The following OPCML variants were observed in gnomAD, a reference collection of about 807,000 sequenced individuals.
The protein encoded by OPCML is opioid-binding protein/cell adhesion molecule.
OPCML carries 13 observed loss-of-function variants against 37.8 expected under a neutral mutation model. The ratio of observed to expected loss-of-function variants is 0.34; its 90% CI spans 0.22 to 0.55. The LOEUF is 0.55. Ranked by LOEUF, OPCML falls within the 20% of genes least tolerant of loss-of-function variation. OPCML has a pLI of 0.91. For missense variants in OPCML, 341 were observed against 435.6 expected (o/e 0.78, Z 1.93); for synonymous variants, 176 against 168.8 (o/e 1.04, Z -0.33).
At position 133,211,575 on chromosome 11, in the gene OPCML, C is replaced by A. The variant is rs961503691; in HGVS notation, c.62-268565G>T. Among the ~76,000 whole-genome samples, 2 of 152,324 alleles carry A rather than the reference C, an allele frequency of 1.3e-5. No individual in the cohort carries two copies. The highest frequency in any genetic ancestry group is 3.4e-3 in the Middle Eastern group (1 of 294). On this transcript the variant is annotated intron_variant, in intron 1 of 7. Transcript: ENST00000524381. This position sits in a 1 kb window ranked among gnomAD's most constrained non-coding sequence, Gnocchi z 4.1. ...CGAAGGTTCTGTAACTATGCTTTGG[C>A]ATCAACAGTGGAACATGGTTTCCTA...
Position 133,173,838 on chromosome 11 carries a change from G to A in OPCML, c.62-230828C>T, listed in dbSNP as rs1592072532. Reference sequence around the variant, plus strand: ...CAGAGCCTAAAGATGCAGGCCTTGAGTTTATGAGGCAAATAATGAAGTTGA... The same window carrying A: ...CAGAGCCTAAAGATGCAGGCCTTGAATTTATGAGGCAAATAATGAAGTTGA... On this transcript the variant is annotated intron_variant, in intron 1 of 7. Transcript: ENST00000524381. This position sits in a 1 kb window ranked among gnomAD's most constrained non-coding sequence, Gnocchi z 7.8. Among the ~76,000 whole-genome samples the A allele has an allele frequency of 3.9e-5, 6 of 152,236 alleles. No individual in the cohort carries two copies. In the South Asian group the frequency reaches 1.2e-3, roughly 32 times the overall value.
chr11:133,317,024 C>G (rs1943219119), intron 1 of OPCML, among the ~76,000 whole-genome samples: 1 of 152,066 alleles, frequency 6.6e-6, no homozygotes, highest in African/African-American at 2.4e-5. Context: ...ATGGTGAAAC[C>G]CCATCTCTAC....
At chr11:132,496,429 C>T (rs2096231408) in intron 4 of OPCML, among the ~76,000 whole-genome samples, 3 of 152,310 alleles carry the variant, frequency 2.0e-5, no homozygotes, top group Non-Finnish European at 1.5e-5. Flanking sequence ...GAAATTACTT[C>T]TAATGCTTTA....
intron 3 of OPCML, among the ~76,000 whole-genome samples, chr11:132,634,311 G>A (rs1940345806): frequency 1.3e-5 from 2 of 152,166 alleles, no homozygotes; most frequent in Admixed American, 1.3e-4. Context: ...TATTGAGTAT[G>A]TAAGCAACAA....
chr11:132,994,176 A>G (rs1342578269), intron 1 of OPCML, among the ~76,000 whole-genome samples: 2 of 152,198 alleles, frequency 1.3e-5, no homozygotes, highest in Admixed American at 6.5e-5. Flanking sequence ...CCGAATGTAA[A>G]TAAGATTCAG....
chr11:132,609,238 C>T (rs1938489994), intron 3 of OPCML, among the ~76,000 whole-genome samples: 1 of 152,206 alleles, frequency 6.6e-6, no homozygotes, highest in South Asian at 2.1e-4. Flanking sequence ...GAATTCACCC[C>T]AATGACATAA....
intron 1 of OPCML, among the ~76,000 whole-genome samples, chr11:133,417,562 C>A (rs61912400): frequency 6.6e-6 from 1 of 151,836 alleles, no homozygotes; most frequent in Non-Finnish European, 1.5e-5. Flanking sequence ...TATACATGTG[C>A]CATGTTGGTG....
intron 2 of OPCML, among the ~76,000 whole-genome samples, chr11:132,779,730 G>C (rs1264755085): frequency 6.6e-6 from 1 of 152,138 alleles, no homozygotes; most frequent in Non-Finnish European, 1.5e-5. Context: ...GCTCCAGTCT[G>C]TGTAATACAA....
intron 2 of OPCML, among the ~76,000 whole-genome samples, chr11:132,773,599 C>T (rs1946716571): frequency 6.6e-6 from 1 of 152,202 alleles, no homozygotes; most frequent in African/African-American, 2.4e-5. Context: ...CATTGGTAAA[C>T]ACGCAATGAG....
At chr11:133,327,665 A>G (rs921426775) in intron 1 of OPCML, among the ~76,000 whole-genome samples, 1 of 152,150 alleles carries the variant, frequency 6.6e-6, no homozygotes, top group African/African-American at 2.4e-5. Context: ...ATGGAATTCT[A>G]TAGACCTAAA....
intron 1 of OPCML, among the ~76,000 whole-genome samples, chr11:133,311,351 T>C (rs954734127): frequency 6.6e-6 from 1 of 152,186 alleles, no homozygotes; most frequent in African/African-American, 2.4e-5. Context: ...TTCTTCTTGT[T>C]ATGCAACATA....
intron 2 of OPCML, among the ~76,000 whole-genome samples, chr11:132,737,103 T>C (rs953955422): frequency 5.3e-5 from 8 of 152,172 alleles, no homozygotes; most frequent in African/African-American, 1.9e-4. Flanking sequence ...TGGTTAGTAA[T>C]GTGACTGGAA....
chr11:133,415,798 T>C (rs1945747530), intron 1 of OPCML, among the ~76,000 whole-genome samples: 1 of 152,112 alleles, frequency 6.6e-6, no homozygotes, highest in Non-Finnish European at 1.5e-5. Flanking sequence ...AGAGAGGTCA[T>C]GATGAGAAGG....
intron 1 of OPCML, among the ~76,000 whole-genome samples, chr11:132,993,459 C>T (rs1474324320): frequency 2.6e-5 from 4 of 152,196 alleles, no homozygotes; most frequent in African/African-American, 9.7e-5. Flanking sequence ...ATGCCTTGGG[C>T]TTACATCCCC....
intron 2 of OPCML, among the ~76,000 whole-genome samples, chr11:132,918,160 C>A (rs547577647): frequency 6.6e-6 from 1 of 152,044 alleles, no homozygotes; most frequent in African/African-American, 2.4e-5. Context: ...CTTTATAATG[C>A]GATTTTTAAC....
intron 1 of OPCML, among the ~76,000 whole-genome samples, chr11:133,531,880 A>G (rs1216720844): frequency 6.6e-6 from 1 of 152,156 alleles, no homozygotes; most frequent in Non-Finnish European, 1.5e-5. Context: ...TCCACCCTGC[A>G]GGTCCCAACA....
At chr11:132,722,799 G>A (rs907253737) in intron 2 of OPCML, among the ~76,000 whole-genome samples, 2 of 152,174 alleles carry the variant, frequency 1.3e-5, no homozygotes, top group East Asian at 1.9e-4. Context: ...GATCTCCCAG[G>A]CTGGCCCTTG....
At chr11:133,024,819 C>T (rs2136909815) in intron 1 of OPCML, 2 of 985,376 alleles carry the variant, frequency 2.0e-6, no homozygotes, top group Non-Finnish European at 1.2e-6. Context: ...TCTATCACTG[C>T]CTGGGTGACC....
chr11:132,725,429 C>G (rs939869755), intron 2 of OPCML, among the ~76,000 whole-genome samples: 9 of 152,158 alleles, frequency 5.9e-5, no homozygotes, highest in Non-Finnish European at 1.2e-4. Flanking sequence ...CCACTTTTTC[C>G]TCCTAGGCCT....
Sources: allele counts gnomAD v4.1 joint callset (sites outside exome capture counted in the v4.1 genomes callset), GRCh38; gene constraint gnomAD v4.1.1; non-coding constraint Gnocchi (gnomAD v3.1); transcripts MANE v1.5; gene names NCBI Gene and HGNC (gene_info 2026-07-23, HGNC 2026-07-21).